The following DAB1 variants were observed in gnomAD, a reference collection of about 807,000 sequenced individuals.
The protein encoded by DAB1 is DAB adaptor protein 1, also known as disabled homolog 1.
Under a neutral mutation model 64.6 loss-of-function variants are expected in DAB1, and 15 were observed. That is an observed-to-expected ratio of 0.23 (90% CI 0.16 to 0.36). The LOEUF is 0.36. Ranked by LOEUF, DAB1 falls within the 10% of genes least tolerant of loss-of-function variation. The pLI, the probability that DAB1 is intolerant of heterozygous loss-of-function variation, is 1.00. For synonymous variants in DAB1, 235 were observed against 251.9 expected, an observed-to-expected ratio of 0.93 and a Z score of 0.64; for missense variants, 596 against 706.7, an observed-to-expected ratio of 0.84 and a Z score of 1.78.
intron 2 of DAB1, among the ~76,000 whole-genome samples, chr1:57,288,184 C>T (rs1467084076): frequency 6.6e-6 from 1 of 152,096 alleles, no homozygotes; most frequent in African/African-American, 2.4e-5. Flanking sequence ...CAATTATAAA[C>T]AATTGCAAAA....
chr1:57,371,705 CTT>C (rs1488798261), intron 1 of DAB1, among the ~76,000 whole-genome samples: 1 of 152,160 alleles, frequency 6.6e-6, no homozygotes, highest in Non-Finnish European at 1.5e-5. Context: ...GCATCTACAT[CTT>C]GTTTTAAACT....
chr1:57,353,319 ACT>A (rs1678760550), intron 1 of DAB1, among the ~76,000 whole-genome samples: 1 of 151,876 alleles, frequency 6.6e-6, no homozygotes. Flanking sequence ...CGGTTGAGAT[ACT>A]CTCTCTGTCC....
At chr1:58,077,920 C>A (rs1649755035) in intron 5 of DAB1, 1 of 152,208 alleles carries the variant, frequency 6.6e-6, no homozygotes, top group South Asian at 2.1e-4. Flanking sequence ...CCAAGCTGTG[C>A]TCGAGTCTGA....
At chr1:57,244,534 A>G (rs1217587674) in intron 2 of DAB1, among the ~76,000 whole-genome samples, 1 of 152,238 alleles carries the variant, frequency 6.6e-6, no homozygotes, top group Non-Finnish European at 1.5e-5. Context: ...CTCCAGCTGA[A>G]GATTAGAGGT....
At chr1:57,257,369 T>A (rs2100543609) in intron 2 of DAB1, among the ~76,000 whole-genome samples, 1 of 152,368 alleles carries the variant, frequency 6.6e-6, no homozygotes, top group South Asian at 2.1e-4. Context: ...CCATGCTAAC[T>A]GCAGCCTGAT....
intron 5 of DAB1, among the ~76,000 whole-genome samples, chr1:58,134,081 ATAAAG>A (rs763488167): frequency 6.6e-6 from 1 of 152,180 alleles, no homozygotes; most frequent in African/African-American, 2.4e-5. Flanking sequence ...TAGTTATCAA[ATAAAG>A]TATTTTCTTA....
At chr1:57,861,183 C>T (rs142507566) in intron 1 of DAB1, 5 of 152,384 alleles carry the variant, frequency 3.3e-5, no homozygotes, top group African/African-American at 7.2e-5. Context: ...GGCCACAGAG[C>T]ACCTGGGCTG....
chr1:58,480,775 CAT>C (rs1645466093), intron 3 of DAB1: 2 of 447,266 alleles, frequency 4.5e-6, no homozygotes, highest in Non-Finnish European at 7.7e-6. Context: ...GATATTTTAA[CAT>C]AGATTAAAAT....
At chr1:58,079,093 T>C (rs1649825418) in intron 5 of DAB1, among the ~76,000 whole-genome samples, 1 of 152,100 alleles carries the variant, frequency 6.6e-6, no homozygotes, top group East Asian at 1.9e-4. Context: ...TTAAACCTCC[T>C]CAAGATCCAA....
intron 5 of DAB1, among the ~76,000 whole-genome samples, chr1:58,128,092 C>T (rs1229764948): frequency 5.3e-5 from 8 of 151,266 alleles, no homozygotes; most frequent in Non-Finnish European, 1.0e-4. Context: ...TACCCATGAG[C>T]ATGGAATGTT....
chr1:57,580,591 C>A (rs1397137007), intron 7 of DAB1, among the ~76,000 whole-genome samples: 1 of 152,090 alleles, frequency 6.6e-6, no homozygotes, highest in Non-Finnish European at 1.5e-5. Flanking sequence ...CTCCTCTCCT[C>A]TTTTTCCTTC....
chr1:57,812,319 C>CAAAAAAAAAAAAAAAA (rs67005172), intron 6 of DAB1, among the ~76,000 whole-genome samples: 1 of 101,220 alleles, frequency 9.9e-6, no homozygotes, highest in African/African-American at 3.7e-5. Context: ...GATTCATTGC[C>CAAAAAAAAAAAAAAAA]AAAAAAAAAA....
At chr1:58,231,672 G>C (rs747439254) in intron 4 of DAB1, among the ~76,000 whole-genome samples, 29 of 152,184 alleles carry the variant, frequency 1.9e-4, no homozygotes, top group Non-Finnish European at 2.9e-5. Flanking sequence ...CACTGAGTGA[G>C]AGCAAACTAC....
intron 3 of DAB1, among the ~76,000 whole-genome samples, chr1:58,379,728 A>G (rs1469551164): frequency 6.6e-6 from 1 of 152,240 alleles, no homozygotes; most frequent in Non-Finnish European, 1.5e-5. Context: ...GAGATTAACA[A>G]AGACACAAAT....
At chr1:57,006,586 C>A (rs1299796383) in intron 14 of DAB1, among the ~76,000 whole-genome samples, 1 of 152,204 alleles carries the variant, frequency 6.6e-6, no homozygotes. Context: ...AGTGCCATCA[C>A]TTTCTAGCTA....
At chr1:57,427,089 T>TCCTGACCTCATGATCCACCCG (rs1407228298), upstream of DAB1, among the ~76,000 whole-genome samples, 1 of 152,032 alleles carries the variant, frequency 6.6e-6, no homozygotes, top group East Asian at 1.9e-4. Flanking sequence ...GGTCTCGATC[T>TCCTGACCTCATGATCCACCCG]CCTGACCTCA....
At chr1:57,762,683 C>G (rs1171565154) in intron 6 of DAB1, among the ~76,000 whole-genome samples, 1 of 152,186 alleles carries the variant, frequency 6.6e-6, no homozygotes, top group East Asian at 1.9e-4. Flanking sequence ...GACTAGTGAC[C>G]AATGCCAGTC....
At chr1:57,188,011 C>T (rs1663758533) in intron 2 of DAB1, among the ~76,000 whole-genome samples, 1 of 152,112 alleles carries the variant, frequency 6.6e-6, no homozygotes, top group Non-Finnish European at 1.5e-5. Flanking sequence ...TGCAGGCAGG[C>T]ACTAGTAAAG....
chr1:57,668,393 G>A (rs568224462), intron 6 of DAB1, among the ~76,000 whole-genome samples: 1 of 152,210 alleles, frequency 6.6e-6, no homozygotes, highest in Admixed American at 6.5e-5. Flanking sequence ...CTCAGTAAAT[G>A]TTAGTCATCA....
Sources: allele counts gnomAD v4.1 joint callset (sites outside exome capture counted in the v4.1 genomes callset), GRCh38; gene constraint gnomAD v4.1.1; transcripts MANE v1.5; gene names NCBI Gene and HGNC (gene_info 2026-07-23, HGNC 2026-07-21).